The following WWOX variants were observed in gnomAD, a reference collection of about 807,000 sequenced individuals.
The protein encoded by WWOX is WW domain containing oxidoreductase, also known as WW domain-containing oxidoreductase.
Under a neutral mutation model 46.2 loss-of-function variants are expected in WWOX, and 69 were observed. The observed-to-expected ratio is 1.49, with a 90% CI of 1.23 to 1.82. WWOX has a LOEUF of 1.82. WWOX is among the 40% of genes most tolerant of loss of function. The probability of loss-of-function intolerance (pLI) is 0.00; values close to 1 mark genes in which losing one functional copy is unlikely to be tolerated. For synonymous variants in WWOX, 359 were observed against 202.6 expected, an observed-to-expected ratio of 1.77 and a Z score of -6.56; for missense variants, 919 against 542.6, an observed-to-expected ratio of 1.69 and a Z score of -6.89.
Position 78,900,286 on chromosome 16 carries a change from C to G in WWOX, c.1057-311322C>G, listed in dbSNP as rs560652227. ...AGACACTGAAGGGGAAAGTTTCCAG[C>G]CTGGTTTCTCCATACACTGAACATG... On this transcript the variant is annotated intron_variant, in intron 8 of 8. Transcript: ENST00000566780. Among the ~76,000 whole-genome samples, 5 of 152,198 alleles carry G rather than the reference C, an allele frequency of 3.3e-5. No individual in the cohort carries two copies. In the East Asian group the frequency reaches 7.7e-4, roughly 24 times the overall value.
chr16:78,109,718 A>G, intron 2 of WWOX, 60 bp from the exon 3 acceptor site: 2 of 1,591,524 alleles, frequency 1.3e-6, no homozygotes, highest in Non-Finnish European at 1.7e-6. Flanking sequence ...TCCCTTCCTG[A>G]CCCAGGGATG....
intron 4 of WWOX, among the ~76,000 whole-genome samples, chr16:78,126,165 G>A: frequency 6.6e-6 from 1 of 152,196 alleles, no homozygotes; most frequent in Admixed American, 6.5e-5. Flanking sequence ...TGGTACATTC[G>A]GGTGGTTTCC....
chr16:78,481,458 A>G (rs988122990), intron 8 of WWOX, among the ~76,000 whole-genome samples: 1 of 152,116 alleles, frequency 6.6e-6, no homozygotes, highest in East Asian at 1.9e-4. Flanking sequence ...TGAAAGAGTC[A>G]TGGCATAGAT....
chr16:78,963,803 C>G (rs1465487586), intron 8 of WWOX, among the ~76,000 whole-genome samples: 1 of 152,140 alleles, frequency 6.6e-6, no homozygotes, highest in Non-Finnish European at 1.5e-5. Context: ...GGCTGTGTCC[C>G]CACCCAAATC....
chr16:78,309,973 G>C (rs1198843205), intron 5 of WWOX, among the ~76,000 whole-genome samples: 1 of 152,158 alleles, frequency 6.6e-6, no homozygotes, highest in Non-Finnish European at 1.5e-5. Context: ...CGTAGAGCCA[G>C]GGTCTGGGCA....
At chr16:78,615,373 G>T (rs1302050743) in intron 8 of WWOX, among the ~76,000 whole-genome samples, 2 of 152,112 alleles carry the variant, frequency 1.3e-5, no homozygotes, top group Non-Finnish European at 2.9e-5. Context: ...TTGGGGCTGG[G>T]TGCAGCACCT....
chr16:78,965,366 C>T (rs780189589), intron 8 of WWOX, among the ~76,000 whole-genome samples: 38 of 151,902 alleles, frequency 2.5e-4, no homozygotes, highest in Non-Finnish European at 3.8e-4. Flanking sequence ...GTTAGGAGTT[C>T]GAGACTAGCC....
intron 5 of WWOX, among the ~76,000 whole-genome samples, chr16:78,306,531 G>C (rs1187638339): frequency 6.6e-6 from 1 of 152,126 alleles, no homozygotes; most frequent in Non-Finnish European, 1.5e-5. Context: ...TTATAATGTT[G>C]TTCCTGGATA....
At chr16:78,134,272 T>C (rs1245067002) in intron 4 of WWOX, among the ~76,000 whole-genome samples, 2 of 152,216 alleles carry the variant, frequency 1.3e-5, no homozygotes, top group Non-Finnish European at 2.9e-5. Context: ...CAGAAGTCTT[T>C]CTTTAGAAAT....
intron 5 of WWOX, among the ~76,000 whole-genome samples, chr16:78,274,908 A>G (rs902185768): frequency 1.3e-5 from 2 of 152,156 alleles, no homozygotes; most frequent in African/African-American, 4.8e-5. Flanking sequence ...TAAACATAAC[A>G]TTCTCAACAG....
chr16:78,495,090 C>A (rs1384654638), intron 8 of WWOX, among the ~76,000 whole-genome samples: 2 of 150,508 alleles, frequency 1.3e-5, no homozygotes, highest in Non-Finnish European at 3.0e-5. Context: ...ATTTAAGCTG[C>A]ATCTGTGTGC....
chr16:78,283,795 G>A (rs1251151011), intron 5 of WWOX, among the ~76,000 whole-genome samples: 3 of 152,120 alleles, frequency 2.0e-5, no homozygotes, highest in African/African-American at 4.8e-5. Flanking sequence ...GCTACGTCAA[G>A]GAAGAGCAAT....
chr16:79,132,564 C>G (rs563453886), intron 8 of WWOX, among the ~76,000 whole-genome samples: 1 of 152,070 alleles, frequency 6.6e-6, no homozygotes, highest in African/African-American at 2.4e-5. Context: ...ATAGCAGCAA[C>G]CTTTCCATTT....
At chr16:78,965,966 G>A (rs1377409349) in intron 8 of WWOX, among the ~76,000 whole-genome samples, 1 of 152,150 alleles carries the variant, frequency 6.6e-6, no homozygotes, top group African/African-American at 2.4e-5. Flanking sequence ...GTTGGAGGAA[G>A]GAGATGCTGT....
At chr16:78,721,274 A>G (rs536696054) in intron 8 of WWOX, among the ~76,000 whole-genome samples, 30 of 152,300 alleles carry the variant, frequency 2.0e-4, no homozygotes, top group African/African-American at 6.3e-4. Flanking sequence ...GAAGGTGATG[A>G]ACTACTTCTT....
At chr16:78,954,588 G>A (rs1322898117) in intron 8 of WWOX, among the ~76,000 whole-genome samples, 1 of 152,156 alleles carries the variant, frequency 6.6e-6, no homozygotes, top group African/African-American at 2.4e-5. Context: ...GCCAGTGCCA[G>A]GGGCTGGAAA....
At chr16:78,872,185 C>T (rs1382853095) in intron 8 of WWOX, among the ~76,000 whole-genome samples, 1 of 152,164 alleles carries the variant, frequency 6.6e-6, no homozygotes, top group Non-Finnish European at 1.5e-5. Context: ...AACAGTGCAA[C>T]CCATAGAACC....
At chr16:78,404,473 C>T (rs1025921955) in intron 6 of WWOX, among the ~76,000 whole-genome samples, 1 of 152,084 alleles carries the variant, frequency 6.6e-6, no homozygotes, top group Non-Finnish European at 1.5e-5. Context: ...TTAAATAATG[C>T]CACCCCAACC....
chr16:79,080,837 G>T (rs2048747487), intron 8 of WWOX, among the ~76,000 whole-genome samples: 1 of 152,070 alleles, frequency 6.6e-6, no homozygotes, highest in Non-Finnish European at 1.5e-5. Context: ...GGAAAAGCAT[G>T]GCTTTTATTC....
Sources: gnomAD v4.1 joint callset for allele counts (sites outside exome capture counted in the v4.1 genomes callset) on GRCh38, gnomAD v4.1.1 for gene constraint, MANE v1.5 for transcripts, NCBI Gene and HGNC (gene_info 2026-07-23, HGNC 2026-07-21) for gene names.